The following ITPK1 variants were observed in gnomAD, a reference collection of about 807,000 sequenced individuals.
ITPK1 encodes the protein inositol 1,3,4-trisphosphate 5/6-kinase.
A neutral mutation model predicts 45.3 loss-of-function variants in ITPK1; 21 were observed. That is an observed-to-expected ratio of 0.46 (90% CI 0.33 to 0.67). ITPK1 has a LOEUF of 0.67. Ranked by LOEUF, ITPK1 falls within the 30% of genes least tolerant of loss-of-function variation. The pLI, the probability that ITPK1 is intolerant of heterozygous loss-of-function variation, is 0.02. For synonymous variants in ITPK1, 258 were observed against 253.6 expected (o/e 1.02, Z -0.16); for missense variants, 474 against 573.5 (o/e 0.83, Z 1.77).
chr14:93,111,898 G>T (rs908737902), intron 2 of ITPK1, among the ~76,000 whole-genome samples: 1 of 151,986 alleles, frequency 6.6e-6, no homozygotes, highest in African/African-American at 2.4e-5. Flanking sequence ...GGATTCAAAG[G>T]CCCATCTGCT....
At chr14:92,966,179 TG>T (rs56400529) in intron 5 of ITPK1, among the ~76,000 whole-genome samples, 117,959 of 151,838 alleles carry the variant, frequency 0.78, 46,832 homozygotes, top group African/African-American at 0.95. Flanking sequence ...TTGGTAGAGA[TG>T]GGGGTCTCAC....
chr14:93,031,743 A>G (rs117775555), intron 3 of ITPK1, among the ~76,000 whole-genome samples: 4,087 of 152,178 alleles, frequency 0.027, 92 homozygotes, highest in Admixed American at 0.085. Context: ...TCCCTTCCAC[A>G]CCCTGGCTTC....
At chr14:93,067,293 G>A (rs188011079) in intron 3 of ITPK1, among the ~76,000 whole-genome samples, 9 of 152,332 alleles carry the variant, frequency 5.9e-5, no homozygotes, top group East Asian at 3.9e-4. Context: ...CCAACCCTGC[G>A]TGGTGTGGTG....
chr14:92,978,381 C>T (rs1225430561), intron 5 of ITPK1, among the ~76,000 whole-genome samples: 1 of 151,850 alleles, frequency 6.6e-6, no homozygotes, highest in East Asian at 1.9e-4. Flanking sequence ...GCAGGCTGAC[C>T]ACGTGGTAGA....
At chr14:92,995,514 C>T (rs1395502505) in intron 4 of ITPK1, among the ~76,000 whole-genome samples, 20 of 152,200 alleles carry the variant, frequency 1.3e-4, no homozygotes, top group Admixed American at 1.2e-3. Flanking sequence ...CCTTGGATTT[C>T]GCGGCAGAGT....
chr14:93,040,048 G>A (rs557563209), intron 3 of ITPK1, among the ~76,000 whole-genome samples: 9 of 152,396 alleles, frequency 5.9e-5, no homozygotes, highest in African/African-American at 2.2e-4. Context: ...AACTCAGGCT[G>A]ACGGGAAGAA....
intron 5 of ITPK1, among the ~76,000 whole-genome samples, chr14:92,974,989 C>T (rs1050597848): frequency 2.6e-5 from 4 of 152,330 alleles, no homozygotes; most frequent in South Asian, 4.1e-4. Context: ...GTGTCTCCTC[C>T]CTTGGACCCA....
intron 2 of ITPK1, among the ~76,000 whole-genome samples, chr14:93,089,773 C>G (rs764736974): frequency 6.6e-6 from 1 of 152,152 alleles, no homozygotes; most frequent in Non-Finnish European, 1.5e-5. Flanking sequence ...TTCTTCCTGC[C>G]GGCCTCCAGG....
At chr14:92,979,937 C>T (rs1404058740) in intron 5 of ITPK1, among the ~76,000 whole-genome samples, 10 of 152,016 alleles carry the variant, frequency 6.6e-5, no homozygotes, top group African/African-American at 1.2e-4. Flanking sequence ...CACATCACCA[C>T]GCCTGGCTAA....
chr14:93,080,322 C>T (rs1198804812), intron 2 of ITPK1, among the ~76,000 whole-genome samples: 1 of 152,164 alleles, frequency 6.6e-6, no homozygotes, highest in Non-Finnish European at 1.5e-5. Context: ...CACTGTGTCC[C>T]CTCATACATT....
chr14:93,055,448 C>T (rs991532935), intron 3 of ITPK1, among the ~76,000 whole-genome samples: 6 of 152,168 alleles, frequency 3.9e-5, no homozygotes, highest in African/African-American at 1.4e-4. Flanking sequence ...CCCCCTCCCC[C>T]ACCTCACTCG....
intron 5 of ITPK1, among the ~76,000 whole-genome samples, chr14:92,974,518 T>C (rs565927597): frequency 6.8e-4 from 103 of 152,264 alleles, no homozygotes; most frequent in Admixed American, 6.5e-3. Flanking sequence ...CTCAAGGGCC[T>C]TGGGCAGGCC....
At chr14:92,974,676 G>A (rs1012300083) in intron 5 of ITPK1, among the ~76,000 whole-genome samples, 1 of 152,242 alleles carries the variant, frequency 6.6e-6, no homozygotes, top group Non-Finnish European at 1.5e-5. Context: ...AGGTGCCCTC[G>A]TGGGACAAGG....
chr14:92,960,888 G>A (rs1885037671), intron 7 of ITPK1, among the ~76,000 whole-genome samples: 1 of 152,210 alleles, frequency 6.6e-6, no homozygotes, highest in Admixed American at 6.5e-5. Flanking sequence ...GCGGCAGGAG[G>A]GCCAACACCC....
intron 3 of ITPK1, among the ~76,000 whole-genome samples, chr14:93,053,074 A>T (rs1890083913): frequency 6.6e-6 from 1 of 152,060 alleles, no homozygotes; most frequent in Admixed American, 6.5e-5. Context: ...ACATGTATAC[A>T]TATGTAACAA....
At position 93,115,194 on chromosome 14, in the gene ITPK1, G is replaced by A. The variant is rs1267490327; in HGVS notation, c.-31C>T. ...TCCTCGGGCGGGGAGCCTGGGTCCGGAGGAAATCGCCCACAGGCCGAGTCT... is the reference window on the plus strand; with the variant it reads ...TCCTCGGGCGGGGAGCCTGGGTCCGAAGGAAATCGCCCACAGGCCGAGTCT... On this transcript the variant is annotated 5_prime_UTR_variant, in exon 2 of 11. Coordinates refer to ENST00000267615, the MANE Select transcript of ITPK1 (RefSeq NM_014216.6). The A allele has an allele frequency of 1.3e-6, 2 of 1,521,428 alleles. No individual in the cohort carries two copies. Among genetic ancestry groups the A allele is most frequent in the African/African-American group, 1.4e-5 (1 of 71,692 alleles). 94.2% of individuals were successfully genotyped at this position (1,521,428 alleles called of 1,614,324 possible).
intron 3 of ITPK1, among the ~76,000 whole-genome samples, chr14:93,035,724 T>C (rs917036670): frequency 4.6e-5 from 7 of 152,202 alleles, no homozygotes; most frequent in African/African-American, 1.7e-4. Flanking sequence ...GTCCAGGGCC[T>C]GGTGCCCGAC....
At chr14:93,015,851 G>A (rs369070464) in intron 4 of ITPK1, among the ~76,000 whole-genome samples, 4 of 152,178 alleles carry the variant, frequency 2.6e-5, no homozygotes, top group South Asian at 2.1e-4. Flanking sequence ...ACTAGGAGGC[G>A]GGTAAGATTC....
chr14:93,061,861 G>A (rs1274899147), intron 3 of ITPK1, among the ~76,000 whole-genome samples: 1 of 152,188 alleles, frequency 6.6e-6, no homozygotes, highest in Non-Finnish European at 1.5e-5. Context: ...GTTACAATCA[G>A]ATAATATTAT....
Sources: allele counts gnomAD v4.1 joint callset (sites outside exome capture counted in the v4.1 genomes callset), GRCh38; gene constraint gnomAD v4.1.1; transcripts MANE v1.5; gene names NCBI Gene and HGNC (gene_info 2026-07-23, HGNC 2026-07-21).